TTK: variants seen among roughly 807,000 people sequenced by gnomAD.
TTK encodes TTK protein kinase.
TTK carries 59 observed loss-of-function variants against 117.3 expected under a neutral mutation model. The ratio of observed to expected loss-of-function variants is 0.50; its 90% CI spans 0.41 to 0.62. The LOEUF (loss-of-function observed/expected upper bound fraction) is 0.62. Among genes scored for constraint, TTK ranks in the 20% least tolerant of loss-of-function variants. The pLI is 0.00. For synonymous variants in TTK, 302 were observed against 325.0 expected (o/e 0.93, Z 0.76); for missense variants, 921 against 989.4 (o/e 0.93, Z 0.93).
At chr6:80,028,148 A>G (rs1767655382) in intron 13 of TTK, 137 bp downstream of exon 13, 5 of 931,304 alleles carry the variant, frequency 5.4e-6, no homozygotes, top group Non-Finnish European at 7.4e-6. Context: ...AACTTTTCTG[A>G]TATTCTAATA....
intron 17 of TTK, 92 bp downstream of exon 17, chr6:80,036,691 C>T: frequency 7.6e-7 from 1 of 1,314,154 alleles, no homozygotes; most frequent in East Asian, 2.5e-5. Flanking sequence ...TATTTTTAAT[C>T]ACCTCATTCT....
At position 80,036,655 on chromosome 6, in the gene TTK, A is replaced by G. The variant is rs1767914860; in HGVS notation, c.2049+56A>G. ...GAGTTCAATTCTTTTTTTACCTGTG[A>G]AGTATTATATTGCAAATGAGTGTTA... On this transcript the variant is annotated intron_variant, in intron 17 of 21. Coordinates refer to ENST00000369798, the MANE Select transcript of TTK (RefSeq NM_003318.5). The G allele has an allele frequency of 2.6e-6, 4 of 1,529,596 alleles. No homozygotes were observed. In the Admixed American group the frequency reaches 6.3e-5, roughly 24 times the overall value. The allele number at this position is 1,529,596 out of a possible 1,614,324, so 94.8% of individuals were successfully genotyped here.
At chr6:80,034,496 T>A (rs1227160616) in intron 14 of TTK, among the ~76,000 whole-genome samples, 1 of 152,168 alleles carries the variant, frequency 6.6e-6, no homozygotes. Context: ...CATCCTTAAC[T>A]TTTTTATTTT....
At chr6:80,034,380 C>G (rs1038017193) in intron 14 of TTK, among the ~76,000 whole-genome samples, 3 of 152,256 alleles carry the variant, frequency 2.0e-5, no homozygotes, top group Middle Eastern at 3.4e-3. Context: ...AGAACAGAGA[C>G]AGTGGGGGCA....
chr6:80,008,663 C>A (rs1369979018), intron 4 of TTK, among the ~76,000 whole-genome samples, 171 bp downstream of exon 4: 3 of 152,104 alleles, frequency 2.0e-5, no homozygotes, highest in African/African-American at 7.2e-5. Flanking sequence ...CAGAGAATAT[C>A]TGTTATACTA....
intron 11 of TTK, 130 bp from the exon 12 acceptor site, chr6:80,026,248 C>A: frequency 1.1e-6 from 1 of 915,160 alleles, no homozygotes. Context: ...ATATATATGC[C>A]TATCTCTTTT....
At chr6:80,010,356 A>G (rs1189471570) in intron 4 of TTK, among the ~76,000 whole-genome samples, 1 of 151,368 alleles carries the variant, frequency 6.6e-6, no homozygotes, top group Non-Finnish European at 1.5e-5. Context: ...TTAACAAAAG[A>G]TGTCATCCTT....
chr6:80,009,250 T>C (rs1367622766), intron 4 of TTK, among the ~76,000 whole-genome samples: 1 of 152,070 alleles, frequency 6.6e-6, no homozygotes, highest in African/African-American at 2.4e-5. Context: ...TTAACACTAT[T>C]GGAAGAATCC....
Position 80,011,853 on chromosome 6 carries a change from A to T in TTK, c.802-33A>T, listed in dbSNP as rs148935240. The stretch of plus-strand genomic sequence containing the variant: ...AAGGTGGTGATAGTCTTTATTTCCT[A>T]GTTGGTTATTTAATCTTTCAAAATA... On this transcript the variant is annotated intron_variant, in intron 7 of 21. Coordinates refer to ENST00000369798, the MANE Select transcript of TTK (RefSeq NM_003318.5). 3.1e-6 allele frequency: 5 copies of T among 1,611,740 alleles called. No homozygotes were observed. In the African/African-American group the frequency reaches 5.3e-5, roughly 17 times the overall value.
intron 10 of TTK, among the ~76,000 whole-genome samples, chr6:80,015,760 A>G (rs1349447163): frequency 6.6e-6 from 1 of 152,212 alleles, no homozygotes; most frequent in East Asian, 1.9e-4. Flanking sequence ...CTTGTTGTCT[A>G]CACTATACCA....
At chr6:80,006,579 C>A (rs899231078) in intron 2 of TTK, among the ~76,000 whole-genome samples, 1 of 152,100 alleles carries the variant, frequency 6.6e-6, no homozygotes, top group Non-Finnish European at 1.5e-5. Context: ...TAGTTTCTTT[C>A]TAGATGAGAA....
intron 1 of TTK, 103 bp from the exon 2 acceptor site, chr6:80,005,739 C>G: frequency 7.5e-7 from 1 of 1,333,266 alleles, no homozygotes; most frequent in South Asian, 1.3e-5. Context: ...TAGATGTGTT[C>G]ACAAAACGAA....
intron 4 of TTK, among the ~76,000 whole-genome samples, chr6:80,010,432 G>A (rs191066704): frequency 1.3e-5 from 2 of 148,632 alleles, no homozygotes. Flanking sequence ...GATGCTCTTG[G>A]CACTTTTGTA....
intron 10 of TTK, among the ~76,000 whole-genome samples, chr6:80,021,101 A>C (rs527875459): frequency 6.6e-6 from 1 of 152,284 alleles, no homozygotes; most frequent in African/African-American, 2.4e-5. Flanking sequence ...TTCCCAGTAC[A>C]CTCTGGTTAA....
At chr6:80,027,608 A>G (rs567447249) in intron 12 of TTK, among the ~76,000 whole-genome samples, 7 of 152,312 alleles carry the variant, frequency 4.6e-5, no homozygotes, top group African/African-American at 1.4e-4. Context: ...CTAAATTCAT[A>G]TAAAATAACC....
At chr6:80,036,017 G>C (rs1378878042) in intron 16 of TTK, among the ~76,000 whole-genome samples, 1 of 151,934 alleles carries the variant, frequency 6.6e-6, no homozygotes, top group Non-Finnish European at 1.5e-5. Context: ...TCAAGATCAG[G>C]GCTATAGGGG....
intron 4 of TTK, among the ~76,000 whole-genome samples, chr6:80,009,118 T>C (rs1767078238): frequency 6.6e-6 from 1 of 152,072 alleles, no homozygotes; most frequent in South Asian, 2.1e-4. Flanking sequence ...TCCTTAGTCT[T>C]TTCTCATTTT....
Position 80,028,051 on chromosome 6 carries a change from C to T in TTK, c.1521+40C>T, listed in dbSNP as rs112992939. 704 of 1,520,974 alleles carry T rather than the reference C, an allele frequency of 4.6e-4. 3 individuals are homozygous for T. In the African/African-American group the frequency reaches 8.0e-3, roughly 17 times the overall value. The allele number at this position is 1,520,974 out of a possible 1,614,324, so 94.2% of individuals were successfully genotyped here. ...ATATATGATGGTATATGTTAAGATACAGTCCGTTTTACAGCTTTTATTTTT... is the reference window on the plus strand; with the variant it reads ...ATATATGATGGTATATGTTAAGATATAGTCCGTTTTACAGCTTTTATTTTT... On this transcript the variant is annotated intron_variant, in intron 13 of 21. Transcript: ENST00000369798.
At chr6:80,019,922 A>C (rs968033949) in intron 10 of TTK, among the ~76,000 whole-genome samples, 1 of 152,180 alleles carries the variant, frequency 6.6e-6, no homozygotes, top group African/African-American at 2.4e-5. Context: ...TTTATTAATA[A>C]TTTTAAAATC....
Sources: gnomAD v4.1 joint callset for allele counts (sites outside exome capture counted in the v4.1 genomes callset) on GRCh38, gnomAD v4.1.1 for gene constraint, MANE v1.5 for transcripts, NCBI Gene and HGNC (gene_info 2026-07-23, HGNC 2026-07-21) for gene names.